The following CWF19L2 variants were observed in gnomAD, a reference collection of about 807,000 sequenced individuals.
CWF19L2 encodes the protein CWF19-like protein 2.
In CWF19L2, 98 loss-of-function variants were observed where a neutral mutation model predicts 111.7. That is an observed-to-expected ratio of 0.88 (90% CI 0.75 to 1.04). CWF19L2 has a LOEUF of 1.04. CWF19L2 is among the 50% of genes least tolerant of loss of function. The pLI, the probability that CWF19L2 is intolerant of heterozygous loss-of-function variation, is 0.00. For missense variants in CWF19L2, 1,101 were observed against 1,051.4 expected (o/e 1.05, Z -0.65); for synonymous variants, 351 against 342.9 (o/e 1.02, Z -0.26).
chr11:107,390,517 T>C (rs1425329946), intron 11 of CWF19L2, among the ~76,000 whole-genome samples: 1 of 152,228 alleles, frequency 6.6e-6, no homozygotes, highest in Non-Finnish European at 1.5e-5. Context: ...GCTCTTCTTC[T>C]CCTTATAGTT....
intron 4 of CWF19L2, 94 bp downstream of exon 4, chr11:107,442,845 A>T: frequency 1.7e-6 from 1 of 586,074 alleles, no homozygotes; most frequent in East Asian, 3.1e-5. Context: ...AGGGACAGAG[A>T]GGGAGGGAGG....
chr11:107,338,780 T>C (rs920265940), intron 14 of CWF19L2, among the ~76,000 whole-genome samples: 4 of 152,248 alleles, frequency 2.6e-5, no homozygotes, highest in Admixed American at 6.5e-5. Flanking sequence ...TAGTATTGCA[T>C]GGTGTATATG....
chr11:107,350,900 A>G (rs1422461620), intron 13 of CWF19L2, among the ~76,000 whole-genome samples: 1 of 152,154 alleles, frequency 6.6e-6, no homozygotes, highest in East Asian at 1.9e-4. Context: ...TGTGAGGAGG[A>G]TGCATACCAA....
In CWF19L2 at chr11:107,424,184, T is replaced by C. The variant is rs1591196142; in HGVS notation, c.1433+4615A>G. ...CACAATCTGTAGCCACATTTCCCTC[T>C]TTTTTTTTTTTAACTATCTCCACCC... On this transcript the variant is annotated intron_variant, in intron 8 of 17. Coordinates refer to ENST00000282251, the MANE Select transcript of CWF19L2 (RefSeq NM_152434.3). 9.5e-5 allele frequency among the ~76,000 whole-genome samples: 7 copies of C among 73,884 alleles called. No individual in the cohort carries two copies. The South Asian group carries it at 2.1e-3, about 22-fold the overall frequency. 48.5% of individuals were successfully genotyped at this position (73,884 alleles called of 152,430 possible).
intron 10 of CWF19L2, chr11:107,404,040 C>A: frequency 1.3e-6 from 1 of 771,382 alleles, no homozygotes; most frequent in Non-Finnish European, 2.4e-6. Flanking sequence ...CACTAAAAAC[C>A]CATCATCATA....
At chr11:107,407,696 C>G (rs1861100019) in intron 10 of CWF19L2, among the ~76,000 whole-genome samples, 1 of 151,878 alleles carries the variant, frequency 6.6e-6, no homozygotes, top group South Asian at 2.1e-4. Context: ...TGTTACAGAG[C>G]CCTGTTCAAA....
intron 14 of CWF19L2, among the ~76,000 whole-genome samples, chr11:107,345,042 C>T (rs536662114): frequency 2.6e-5 from 4 of 152,170 alleles, no homozygotes; most frequent in East Asian, 3.9e-4. Flanking sequence ...AGGCATGGCT[C>T]GTGCCTCCTC....
intron 8 of CWF19L2, among the ~76,000 whole-genome samples, chr11:107,420,936 A>G (rs1450647122): frequency 6.6e-6 from 1 of 151,698 alleles, no homozygotes; most frequent in Non-Finnish European, 1.5e-5. Context: ...AATACTATCA[A>G]CTAACATGCC....
At chr11:107,457,519 A>C (rs1861872158) in intron 1 of CWF19L2, among the ~76,000 whole-genome samples, 193 bp downstream of exon 1, 1 of 152,206 alleles carries the variant, frequency 6.6e-6, no homozygotes, top group African/African-American at 2.4e-5. Flanking sequence ...AGAATTAGCA[A>C]CTGGCACCTG....
At chr11:107,452,164 C>A (rs369324724) in intron 3 of CWF19L2, among the ~76,000 whole-genome samples, 13 of 152,060 alleles carry the variant, frequency 8.5e-5, no homozygotes, top group Admixed American at 8.5e-4. Context: ...CATGACATAC[C>A]ATTTACCTAG....
intron 12 of CWF19L2, among the ~76,000 whole-genome samples, chr11:107,359,035 C>T (rs536246851): frequency 6.6e-6 from 1 of 151,236 alleles, no homozygotes; most frequent in Non-Finnish European, 1.5e-5. Flanking sequence ...CTCCTATCAT[C>T]GTCTCAAAGC....
intron 10 of CWF19L2, among the ~76,000 whole-genome samples, chr11:107,409,166 G>A (rs951327612): frequency 4.6e-5 from 7 of 151,284 alleles, no homozygotes; most frequent in African/African-American, 1.7e-4. Context: ...GTGAACTTGT[G>A]AACACAGTGA....
Position 107,392,796 on chromosome 11 carries a change from T to C in CWF19L2, c.1717A>G (p.Arg573Gly). Reference sequence around the variant, plus strand: ...AAACATACCATCTGTCTCTTTCTTCTTCCTCCTTGTGATTCCAGAGATTTT... The same window carrying C: ...AAACATACCATCTGTCTCTTTCTTCCTCCTCCTTGTGATTCCAGAGATTTT... ...PGKSLESQGG[R>G]RKRQMVSTHE... The change falls in exon 11 of 18, where the codon AGA becomes GGA. Residue 573 changes from arginine to glycine, a missense_variant. Transcript: ENST00000282251. The C allele has an allele frequency of 1.9e-6, 3 of 1,587,954 alleles. No individual in the cohort carries two copies. The highest frequency in any genetic ancestry group is 1.1e-5 in the South Asian group (1 of 88,298).
chr11:107,354,600 C>T (rs746564528), intron 12 of CWF19L2, among the ~76,000 whole-genome samples: 1 of 152,050 alleles, frequency 6.6e-6, no homozygotes, highest in African/African-American at 2.4e-5. Flanking sequence ...TTTATGTTTC[C>T]TATGTACCTT....
intron 12 of CWF19L2, among the ~76,000 whole-genome samples, chr11:107,382,578 T>C (rs1290598335): frequency 2.6e-5 from 4 of 152,238 alleles, no homozygotes; most frequent in African/African-American, 7.2e-5. Flanking sequence ...ATACCTATTA[T>C]GTTCTAGAAC....
intron 10 of CWF19L2, among the ~76,000 whole-genome samples, chr11:107,414,320 G>A (rs1013558463): frequency 6.6e-6 from 1 of 152,032 alleles, no homozygotes; most frequent in African/African-American, 2.4e-5. Context: ...AGCCTCCCAA[G>A]TAGCTGGGAC....
intron 12 of CWF19L2, among the ~76,000 whole-genome samples, chr11:107,369,001 T>C (rs1236698314): frequency 2.2e-5 from 3 of 137,374 alleles, no homozygotes. Context: ...CTGGAAAACC[T>C]AGAGAAAATG....
In CWF19L2 at chr11:107,386,303, C is replaced by A. The variant is rs1411867955; in HGVS notation, c.1872+3771G>T. On this transcript the variant is annotated intron_variant, in intron 12 of 17. Transcript: ENST00000282251. Reference sequence around the variant, plus strand: ...TGCTGGGATTACAGGTGTGAGCCGCCACTCCTGTTCATTTTTCTACTACCA... The same window carrying A: ...TGCTGGGATTACAGGTGTGAGCCGCAACTCCTGTTCATTTTTCTACTACCA... Among the ~76,000 whole-genome samples the A allele has an allele frequency of 4.4e-4, 67 of 152,198 alleles. 1 individual carries two copies. The highest frequency in any genetic ancestry group is 1.6e-3 in the African/African-American group (66 of 41,510).
intron 11 of CWF19L2, 51 bp downstream of exon 11, chr11:107,392,728 A>C: frequency 9.0e-7 from 1 of 1,108,852 alleles, no homozygotes; most frequent in Non-Finnish European, 1.3e-6. Context: ...GAAAGCCCCA[A>C]GGGGAAGAAG....
Sources: allele counts gnomAD v4.1 joint callset (sites outside exome capture counted in the v4.1 genomes callset), GRCh38; gene constraint gnomAD v4.1.1; transcripts MANE v1.5; gene names NCBI Gene and HGNC (gene_info 2026-07-23, HGNC 2026-07-21).